Variants in SLC16A5 observed in about 807,000 individuals in gnomAD.
SLC16A5 encodes the protein solute carrier family 16 member 5.
In SLC16A5, 29 loss-of-function variants were observed where a neutral mutation model predicts 33.2. The observed-to-expected ratio is 0.87, with a 90% confidence interval of 0.65 to 1.19. SLC16A5 has a LOEUF of 1.19. SLC16A5 is among the 50% of genes most tolerant of loss of function. The pLI is 0.00. For synonymous variants in SLC16A5, 248 were observed against 284.1 expected (o/e 0.87, Z 1.28); for missense variants, 606 against 678.2 (o/e 0.89, Z 1.18).
At chr17:75,099,051 T>C (rs56180251) in intron 4 of SLC16A5, among the ~76,000 whole-genome samples, 6,189 of 152,176 alleles carry the variant, frequency 0.041, 175 homozygotes, top group African/African-American at 0.085. Flanking sequence ...TTGAGAACTT[T>C]TTCTCCAGCA....
chr17:75,096,664 T>G (rs12451899), intron 3 of SLC16A5, among the ~76,000 whole-genome samples: 114,659 of 149,638 alleles, frequency 0.77, 44,471 homozygotes, highest in African/African-American at 0.84. Context: ...CCTAGTAGCT[T>G]GGAATTACAG....
chr17:75,088,876 G>A (rs1439139894), intron 1 of SLC16A5: 3 of 152,248 alleles, frequency 2.0e-5, no homozygotes, highest in Non-Finnish European at 2.9e-5. Flanking sequence ...CCTGTTATCA[G>A]ATGAGGCGCC....
chr17:75,104,951 C>CT, intron 6 of SLC16A5: 2 of 985,448 alleles, frequency 2.0e-6, no homozygotes, highest in Non-Finnish European at 2.4e-6. Flanking sequence ...CTGGATGCCT[C>CT]TATCATTTCT....
downstream of SLC16A5, among the ~76,000 whole-genome samples, chr17:75,107,019 A>G (rs28485869): frequency 2.1e-5 from 3 of 141,262 alleles, no homozygotes; most frequent in African/African-American, 5.1e-5. Context: ...AAGGAAAGGG[A>G]AAAAAAAAAA....
At chr17:75,104,729 C>T (rs539520436) in intron 6 of SLC16A5, 95 of 981,292 alleles carry the variant, frequency 9.7e-5, no homozygotes, top group African/African-American at 5.2e-4. Flanking sequence ...GGATTACAGG[C>T]GTGAGCCACC....
chr17:75,104,730 G>A lies in SLC16A5; in HGVS notation c.1364+550G>A, dbSNP rs986178811. 64 of 982,704 alleles carry A rather than the reference G, an allele frequency of 6.5e-5. 1 individual carries two copies. The Middle Eastern group carries it at 1.6e-3, about 24-fold the overall frequency. 60.9% of individuals were successfully genotyped at this position (982,704 alleles called of 1,614,324 possible). A position where few individuals can be genotyped will look rare whatever the true frequency, so the allele number is the denominator to read the frequency against. Reference sequence around the variant, plus strand: ...CTCCCAAAGTGCTGGGATTACAGGCGTGAGCCACCGTGCCCAGCCAGAGGA... The same window carrying A: ...CTCCCAAAGTGCTGGGATTACAGGCATGAGCCACCGTGCCCAGCCAGAGGA... On this transcript the variant is annotated intron_variant, in intron 6 of 6. Transcript: ENST00000329783.
At chr17:75,096,317 T>G (rs371385139) in intron 3 of SLC16A5, among the ~76,000 whole-genome samples, 4 of 151,418 alleles carry the variant, frequency 2.6e-5, no homozygotes, top group African/African-American at 7.3e-5. Context: ...AGCTCTGGCC[T>G]GCAGCCCAGT....
At chr17:75,099,965 C>G in intron 4 of SLC16A5, 42 bp from the exon 5 acceptor site, 1 of 1,562,942 alleles carries the variant, frequency 6.4e-7, no homozygotes, top group South Asian at 1.2e-5. Context: ...AGGTGGAAGG[C>G]CCCAGTGCGC....
chr17:75,108,533 T>C (rs2073880446), downstream of SLC16A5, among the ~76,000 whole-genome samples: 1 of 152,172 alleles, frequency 6.6e-6, no homozygotes, highest in Non-Finnish European at 1.5e-5. Context: ...TCTGCCTTCA[T>C]CCGGGCCCAG....
At chr17:75,105,763 C>T (rs1038848878) in intron 6 of SLC16A5, 117 bp from the exon 7 acceptor site, 1 of 1,422,900 alleles carries the variant, frequency 7.0e-7, no homozygotes, top group Non-Finnish European at 9.2e-7. Context: ...TTCCCCTCAC[C>T]CTTCCTTTCC....
intron 6 of SLC16A5, chr17:75,104,723 T>C: frequency 1.0e-6 from 1 of 977,882 alleles, no homozygotes; most frequent in Non-Finnish European, 1.2e-6. Context: ...GTGCTGGGAT[T>C]ACAGGCGTGA....
chr17:75,104,106 G>A lies in SLC16A5; in HGVS notation c.1290G>A (p.Ala430=), dbSNP rs114049865. Residue 430 remains alanine, a synonymous_variant, in exon 6 of 7, where the codon GCG becomes GCA. Coordinates refer to ENST00000329783, the MANE Select transcript of SLC16A5 (RefSeq NM_004695.4). ...AGGAGCAAGGCAAGCAGGCTGTCGCGGCGGATGCCCTGGAGCGGGATCTTT... is the reference window on the plus strand; with the variant it reads ...AGGAGCAAGGCAAGCAGGCTGTCGCAGCGGATGCCCTGGAGCGGGATCTTT... The part of the protein sequence containing the change: ...QKKEQGKQAV[A]ADALERDLFL... 2.0e-4 allele frequency: 318 copies of A among 1,614,194 alleles called. 2 individuals carry two copies. The East Asian group carries it at 6.5e-3, about 33-fold the overall frequency.
At chr17:75,098,267 C>T in intron 4 of SLC16A5, 86 bp downstream of exon 4, 1 of 1,544,192 alleles carries the variant, frequency 6.5e-7, no homozygotes, top group Non-Finnish European at 8.8e-7. Context: ...GCCTCTTAAT[C>T]TTCTGGAACT....
At chr17:75,095,439 C>A (rs1568005375) in intron 3 of SLC16A5, among the ~76,000 whole-genome samples, 1 of 152,030 alleles carries the variant, frequency 6.6e-6, no homozygotes, top group Non-Finnish European at 1.5e-5. Context: ...TGTACACATA[C>A]ACGTGTATGA....
At chr17:75,088,991 CT>C (rs932701506) in intron 1 of SLC16A5, 159 bp from the exon 2 acceptor site, 19 of 152,360 alleles carry the variant, frequency 1.2e-4, no homozygotes, top group African/African-American at 4.3e-4. Flanking sequence ...TGCTACAAAG[CT>C]GGTCTCATTG....
At chr17:75,101,726 C>T (rs2073802362) in intron 5 of SLC16A5, among the ~76,000 whole-genome samples, 1 of 151,944 alleles carries the variant, frequency 6.6e-6, no homozygotes, top group Non-Finnish European at 1.5e-5. Flanking sequence ...CCTCAACCTG[C>T]CAGACTCAAG....
At position 75,104,199 on chromosome 17, in the gene SLC16A5, A is replaced by T. The variant is rs376179384; in HGVS notation, c.1364+19A>T. 1.1e-5 allele frequency: 18 copies of T among 1,612,494 alleles called. No individual in the cohort carries two copies. In the African/African-American group the frequency reaches 2.3e-4, roughly 20 times the overall value. On this transcript the variant is annotated intron_variant, in intron 6 of 6. Coordinates refer to ENST00000329783, the MANE Select transcript of SLC16A5 (RefSeq NM_004695.4). Reference sequence around the variant, plus strand: ...AGATCATGTATGTAACCAGCGTCTAAGACCCAGGGTTCATCTGTGTGACCA... The same window carrying T: ...AGATCATGTATGTAACCAGCGTCTATGACCCAGGGTTCATCTGTGTGACCA...
chr17:75,105,899 C>A lies in SLC16A5; in HGVS notation c.1384C>A (p.Pro462Thr). The A allele has an allele frequency of 6.2e-7, 1 of 1,605,892 alleles. No homozygotes were observed. ...GAACAGGTGCCAGTCTTCCCGCCAG[C>A]CACGTCCAGCTGGCGTCAATAAGCA... is the stretch of plus-strand genomic sequence containing the variant. ...PEIMCQSSRQ[P>T]RPAGVNKHLW... is the part of the protein sequence containing the mutation. Residue 462 changes from proline (P) to threonine (T), a missense_variant, in exon 7 of 7, where the codon CCA becomes ACA. Coordinates refer to ENST00000329783, the MANE Select transcript of SLC16A5 (RefSeq NM_004695.4).
chr17:75,100,443 G>A lies in SLC16A5; in HGVS notation c.780G>A (p.Val260=), dbSNP rs774536309. 1 of 1,614,252 alleles carries A rather than the reference G, an allele frequency of 6.2e-7. No homozygotes were observed. Among genetic ancestry groups the A allele is most frequent in the South Asian group, 1.1e-5 (1 of 91,086 alleles). Residue 260 remains valine, a synonymous_variant, in exon 5 of 7, where the codon GTG becomes GTA. Coordinates refer to ENST00000329783, the MANE Select transcript of SLC16A5 (RefSeq NM_004695.4). ...TCCCACTGCCACAAGTCTTCCTGGT[G>A]CCATATGCCATGTGGCACAGCGTGG... ...LGFPLPQVFL[V]PYAMWHSVDE... is the part of the protein sequence containing the mutation.
Sources: allele counts gnomAD v4.1 joint callset (sites outside exome capture counted in the v4.1 genomes callset), GRCh38; gene constraint gnomAD v4.1.1; transcripts MANE v1.5; gene names NCBI Gene and HGNC (gene_info 2026-07-23, HGNC 2026-07-21).